EML5: variants seen among roughly 807,000 people sequenced by gnomAD.
The protein encoded by EML5 is EMAP like 5.
A neutral mutation model predicts 250.0 loss-of-function variants in EML5; 120 were observed. That is an observed-to-expected ratio of 0.48 (90% CI 0.41 to 0.56). The LOEUF (loss-of-function observed/expected upper bound fraction) is 0.56. Among genes scored for constraint, EML5 ranks in the 20% least tolerant of loss-of-function variants. The probability of loss-of-function intolerance (pLI) is 0.00; values close to 1 mark genes in which losing one functional copy is unlikely to be tolerated. For missense variants in EML5, 2,006 were observed against 2,437.6 expected, an observed-to-expected ratio of 0.82 and a Z score of 3.73; for synonymous variants, 771 against 806.5, an observed-to-expected ratio of 0.96 and a Z score of 0.75.
intron 1 of EML5, among the ~76,000 whole-genome samples, chr14:88,764,397 A>G (rs775368618): frequency 6.6e-6 from 1 of 152,204 alleles, no homozygotes; most frequent in Non-Finnish European, 1.5e-5. Flanking sequence ...TGTCAAATGT[A>G]TAAGTTGTTT....
rs536926792 is a variant in EML5, at chr14:88,696,713, A to T, written c.2344+134T>A. 1.8e-4 allele frequency: 91 copies of T among 513,324 alleles called. No individual in the cohort carries two copies. In the East Asian group the frequency reaches 2.8e-3, roughly 16 times the overall value. The allele number at this position is 513,324 out of a possible 1,614,324, so 31.8% of individuals were successfully genotyped here. A position where few individuals can be genotyped will look rare whatever the true frequency, so the allele number is the denominator to read the frequency against. ...ACTTTCATAGTATTTGATAAGGATA[A>T]CAGTATACACATTTGATAAAAACTG... On this transcript the variant is annotated intron_variant, in intron 15 of 43. Transcript: ENST00000554922.
At chr14:88,659,263 ATGC>A (rs1428679868) in intron 25 of EML5, among the ~76,000 whole-genome samples, 2 of 151,740 alleles carry the variant, frequency 1.3e-5, no homozygotes, top group Admixed American at 1.3e-4. Flanking sequence ...TGATACTGGA[ATGC>A]AGTGGCACGA....
At chr14:88,740,998 G>A (rs371231776) in intron 4 of EML5, among the ~76,000 whole-genome samples, 2 of 151,864 alleles carry the variant, frequency 1.3e-5, no homozygotes, top group East Asian at 3.9e-4. Flanking sequence ...TCCCATCTCT[G>A]CTAAAAATAC....
intron 31 of EML5, among the ~76,000 whole-genome samples, chr14:88,641,111 G>C (rs2091039243): frequency 6.6e-6 from 1 of 151,944 alleles, no homozygotes; most frequent in South Asian, 2.1e-4. Flanking sequence ...TTCCAAAATT[G>C]AATCAGTAAT....
intron 2 of EML5, among the ~76,000 whole-genome samples, chr14:88,751,525 G>T (rs1272437845): frequency 2.0e-5 from 3 of 150,838 alleles, no homozygotes; most frequent in Non-Finnish European, 4.4e-5. Flanking sequence ...TTGTTTGTTG[G>T]TTTTTTTTTG....
chr14:88,649,974 G>C, intron 27 of EML5, 48 bp from the exon 28 acceptor site: 2 of 1,381,686 alleles, frequency 1.4e-6, no homozygotes, highest in Admixed American at 2.9e-5. Flanking sequence ...TATAAAAATT[G>C]ATGATGAATA....
chr14:88,743,975 C>A, intron 4 of EML5, 48 bp downstream of exon 4: 2 of 1,296,662 alleles, frequency 1.5e-6, no homozygotes, highest in Admixed American at 2.4e-5. Flanking sequence ...ATATACTTAG[C>A]AGCAGAGAAC....
chr14:88,749,714 G>T (rs1456409679), intron 2 of EML5, among the ~76,000 whole-genome samples: 1 of 152,050 alleles, frequency 6.6e-6, no homozygotes, highest in Non-Finnish European at 1.5e-5. Flanking sequence ...CAAAAATTTG[G>T]ATTACAAAGT....
chr14:88,741,773 T>C (rs2093928510), intron 4 of EML5, among the ~76,000 whole-genome samples: 1 of 152,144 alleles, frequency 6.6e-6, no homozygotes, highest in South Asian at 2.1e-4. Flanking sequence ...TAAATAGTTC[T>C]GCATAAAGAA....
At position 88,792,189 on chromosome 14, in the gene EML5, G is replaced by A; in HGVS notation, c.197+118C>T. 1 of 1,233,286 alleles carries A rather than the reference G, an allele frequency of 8.1e-7. No homozygotes were observed. Among genetic ancestry groups the A allele is most frequent in the Admixed American group, 2.7e-5 (1 of 37,378 alleles). The allele number at this position is 1,233,286 out of a possible 1,614,324, so 76.4% of individuals were successfully genotyped here. A position where few individuals can be genotyped will look rare whatever the true frequency, so the allele number is the denominator to read the frequency against. On this transcript the variant is annotated intron_variant, in intron 1 of 43. Coordinates refer to ENST00000554922, the MANE Select transcript of EML5 (RefSeq NM_183387.3). This position sits in a 1 kb window ranked among gnomAD's most constrained non-coding sequence, Gnocchi z 6.9. ...GACTCGGGACCAGAGAGACAGCTGC[G>A]GATTCCCCTCGGGGTGATGCTCCGT...
In EML5 at chr14:88,615,238, A is replaced by G. The variant is rs2087410564; in HGVS notation, c.*580T>C. 6.6e-6 allele frequency: 1 copy of G among 152,206 alleles called. No homozygotes were observed. Among genetic ancestry groups the G allele is most frequent in the Admixed American group, 6.5e-5 (1 of 15,284 alleles). 9.4% of individuals were successfully genotyped at this position (152,206 alleles called of 1,614,324 possible). ...AACTACTAGGAGAAAAGTGTCCTTT[A>G]TAAAAAAGGACCTTATTAATGCCTA... On this transcript the variant is annotated 3_prime_UTR_variant, in exon 44 of 44. Coordinates refer to ENST00000554922, the MANE Select transcript of EML5 (RefSeq NM_183387.3).
chr14:88,649,845 A>C, intron 28 of EML5, 67 bp downstream of exon 28: 2 of 1,286,768 alleles, frequency 1.6e-6, no homozygotes, highest in South Asian at 1.5e-5. Flanking sequence ...AATACCTTAA[A>C]ATACCATAAA....
intron 23 of EML5, 29 bp from the exon 24 acceptor site, chr14:88,663,148 A>C (rs1183550112): frequency 2.1e-6 from 3 of 1,436,736 alleles, no homozygotes; most frequent in South Asian, 1.3e-5. Context: ...AAATATTTAC[A>C]CATATAAAAT....
intron 36 of EML5, 139 bp downstream of exon 36, chr14:88,624,831 A>G: frequency 2.2e-6 from 2 of 903,252 alleles, no homozygotes; most frequent in Non-Finnish European, 3.3e-6. Flanking sequence ...GGCACATAAA[A>G]GGTAATAAAG....
At chr14:88,728,408 C>T (rs573033080) in intron 7 of EML5, among the ~76,000 whole-genome samples, 2 of 152,274 alleles carry the variant, frequency 1.3e-5, no homozygotes, top group East Asian at 1.9e-4. Context: ...TAGTAGCCTA[C>T]TGTTGACTGG....
intron 17 of EML5, 76 bp downstream of exon 17, chr14:88,694,231 C>A: frequency 1.0e-6 from 1 of 982,200 alleles, no homozygotes; most frequent in Non-Finnish European, 1.6e-6. Context: ...AGGGTACACA[C>A]TGCACTTAGC....
intron 2 of EML5, among the ~76,000 whole-genome samples, chr14:88,752,438 A>G (rs1270660786): frequency 6.6e-6 from 1 of 152,232 alleles, no homozygotes; most frequent in Admixed American, 6.5e-5. Flanking sequence ...CTGACAGAAC[A>G]TTAAGACTTG....
intron 1 of EML5, among the ~76,000 whole-genome samples, chr14:88,786,424 A>G (rs986315034): frequency 5.3e-5 from 8 of 152,232 alleles, no homozygotes; most frequent in South Asian, 2.1e-4. Context: ...CTCTAGTGAT[A>G]AGAATAGTCT....
chr14:88,644,460 A>G lies in EML5; in HGVS notation c.4080T>C (p.Asn1360=), dbSNP rs754107680. The G allele has an allele frequency of 1.2e-6, 2 of 1,613,604 alleles. No homozygotes were observed. Among genetic ancestry groups the G allele is most frequent in the African/African-American group, 1.3e-5 (1 of 74,954 alleles). The change falls in exon 30 of 44, where the codon AAT becomes AAC. Residue 1360 remains asparagine, a synonymous_variant. Coordinates refer to ENST00000554922, the MANE Select transcript of EML5 (RefSeq NM_183387.3). ...PPQPEKLQTN[N]VGKKKRPIED... is the part of the protein sequence containing the mutation. Reference sequence around the variant, plus strand: ...CTATAGGTCTCTTTTTCTTGCCTACATTGTTTGTCTGGAGTTTCTCTGGCT... The same window carrying G: ...CTATAGGTCTCTTTTTCTTGCCTACGTTGTTTGTCTGGAGTTTCTCTGGCT...
Sources: gnomAD v4.1 joint callset for allele counts (sites outside exome capture counted in the v4.1 genomes callset) on GRCh38, gnomAD v4.1.1 for gene constraint, Gnocchi (gnomAD v3.1) non-coding constraint, MANE v1.5 for transcripts, NCBI Gene and HGNC (gene_info 2026-07-23, HGNC 2026-07-21) for gene names.